RAB30: variants seen among roughly 807,000 people sequenced by gnomAD.
RAB30 encodes ras-related protein Rab-30.
A neutral mutation model predicts 25.1 loss-of-function variants in RAB30; 9 were observed. The ratio of observed to expected loss-of-function variants is 0.36; its 90% CI spans 0.22 to 0.63. RAB30 has a LOEUF of 0.63. RAB30 is among the 20% of genes least tolerant of loss of function. The pLI is 0.69. For missense variants in RAB30, 140 were observed against 243.5 expected, an observed-to-expected ratio of 0.58 and a Z score of 2.83; for synonymous variants, 77 against 86.4, an observed-to-expected ratio of 0.89 and a Z score of 0.60.
At chr11:83,041,178 A>T (rs1200884933) in intron 1 of RAB30, 1 of 150,398 alleles carries the variant, frequency 6.6e-6, no homozygotes, top group Non-Finnish European at 1.5e-5. Flanking sequence ...CCTGGGAGAC[A>T]GAGTGAAACT....
intron 1 of RAB30, among the ~76,000 whole-genome samples, chr11:83,046,167 T>G (rs1858228869): frequency 6.6e-6 from 1 of 152,250 alleles, no homozygotes; most frequent in Non-Finnish European, 1.5e-5. Context: ...GCTAAGGCTT[T>G]GTTGTACCAA....
chr11:82,982,054 C>CA lies in RAB30; in HGVS notation c.*110dup. 6.9e-7 allele frequency: 1 copy of CA among 1,451,060 alleles called. No individual in the cohort carries two copies. The highest frequency in any genetic ancestry group is 9.4e-7 in the Non-Finnish European group (1 of 1,061,282). The allele number at this position is 1,451,060 out of a possible 1,614,324, so 89.9% of individuals were successfully genotyped here. On this transcript the variant is annotated 3_prime_UTR_variant, in exon 5 of 5. Coordinates refer to ENST00000527633, the MANE Select transcript of RAB30 (RefSeq NM_001286060.2). Reference sequence around the variant, plus strand: ...CATGCTTTGTAAGCTCAGGAGCCCACAGGAGTCAGAAGGTCAGAGAGCGGG... The same window carrying CA: ...CATGCTTTGTAAGCTCAGGAGCCCACAAGGAGTCAGAAGGTCAGAGAGCGGG...
Position 82,973,200 on chromosome 11 carries a change from A to T in RAB30, c.*8965T>A, listed in dbSNP as rs1447100524. On this transcript the variant is annotated 3_prime_UTR_variant, in exon 5 of 5. Transcript: ENST00000527633. Reference sequence around the variant, plus strand: ...AAAGCAATTTCCATTTAGTTTTTTTAAAAAATTGTTACAAATAAAAAGTTT... The same window carrying T: ...AAAGCAATTTCCATTTAGTTTTTTTTAAAAATTGTTACAAATAAAAAGTTT... 4 of 152,224 alleles carry T rather than the reference A, an allele frequency of 2.6e-5. No individual in the cohort carries two copies. The highest frequency in any genetic ancestry group is 2.0e-4 in the Admixed American group (3 of 15,280). 9.4% of individuals were successfully genotyped at this position (152,224 alleles called of 1,614,324 possible). A position where few individuals can be genotyped will look rare whatever the true frequency, so the allele number is the denominator to read the frequency against.
chr11:83,069,631 GA>G (rs1156622050), intron 1 of RAB30, among the ~76,000 whole-genome samples: 8 of 148,262 alleles, frequency 5.4e-5, no homozygotes, highest in South Asian at 2.1e-4. Flanking sequence ...CAAGGATAAG[GA>G]AAAAAAAAAT....
At chr11:82,996,440 G>A (rs888007221) in intron 2 of RAB30, among the ~76,000 whole-genome samples, 2 of 152,216 alleles carry the variant, frequency 1.3e-5, no homozygotes, top group South Asian at 2.1e-4. Context: ...AGATAGAGGA[G>A]CAAGTTCCAA....
At chr11:82,987,809 C>A in intron 3 of RAB30, 39 bp from the exon 4 acceptor site, 1 of 1,353,876 alleles carries the variant, frequency 7.4e-7, no homozygotes, top group Non-Finnish European at 9.9e-7. Flanking sequence ...GAAGAAGGAT[C>A]AGGTTGGAGA....
chr11:83,041,692 TA>T (rs34023989), intron 1 of RAB30: 35,315 of 145,894 alleles, frequency 0.24, 4,506 homozygotes, highest in African/African-American at 0.36. Flanking sequence ...TTTATTAAGC[TA>T]AAAAAAAAAA....
Position 83,071,771 on chromosome 11 carries a change from G to A in RAB30, c.-89C>T, listed in dbSNP as rs1325687540. 2 of 287,224 alleles carry A rather than the reference G, an allele frequency of 7.0e-6. No individual in the cohort carries two copies. Among genetic ancestry groups the A allele is most frequent in the African/African-American group, 2.2e-5 (1 of 45,942 alleles). The allele number at this position is 287,224 out of a possible 1,614,324, so 17.8% of individuals were successfully genotyped here. A position where few individuals can be genotyped will look rare whatever the true frequency, so the allele number is the denominator to read the frequency against. On this transcript the variant is annotated 5_prime_UTR_variant, in exon 1 of 5. Transcript: ENST00000527633. Reference sequence around the variant, plus strand: ...GAGTCACGCACGCAAGGGAAGGTCTGCGATGTCCTGAGTCCAAGGGCTGGA... The same window carrying A: ...GAGTCACGCACGCAAGGGAAGGTCTACGATGTCCTGAGTCCAAGGGCTGGA...
At chr11:83,020,828 T>G (rs914208498) in intron 1 of RAB30, among the ~76,000 whole-genome samples, 1 of 151,866 alleles carries the variant, frequency 6.6e-6, no homozygotes, top group African/African-American at 2.4e-5. Context: ...GACAACCTGC[T>G]TGTAGAGTGG....
intron 3 of RAB30, among the ~76,000 whole-genome samples, chr11:82,991,506 C>CAAAAAAAAAA (rs35298951): frequency 1.5e-5 from 1 of 65,872 alleles, no homozygotes; most frequent in South Asian, 7.9e-4. Flanking sequence ...GACCCTTTCT[C>CAAAAAAAAAA]AAAAAAAAAA....
intron 1 of RAB30, among the ~76,000 whole-genome samples, chr11:83,046,876 T>G (rs1858246748): frequency 6.6e-6 from 1 of 152,104 alleles, no homozygotes; most frequent in Non-Finnish European, 1.5e-5. Flanking sequence ...GCCTAATATA[T>G]TTACTTTCTG....
At chr11:83,043,461 T>C (rs1858172984) in intron 1 of RAB30, among the ~76,000 whole-genome samples, 1 of 152,228 alleles carries the variant, frequency 6.6e-6, no homozygotes, top group South Asian at 2.1e-4. Flanking sequence ...TGACATGATT[T>C]GTTTATCAGC....
At chr11:83,068,775 G>A (rs754912574) in intron 1 of RAB30, among the ~76,000 whole-genome samples, 37 of 152,074 alleles carry the variant, frequency 2.4e-4, no homozygotes, top group Non-Finnish European at 3.8e-4. Flanking sequence ...TACTACTTCC[G>A]TTTACCCTCC....
intron 1 of RAB30, among the ~76,000 whole-genome samples, chr11:83,037,495 T>C (rs1198079213): frequency 2.0e-5 from 3 of 152,048 alleles, no homozygotes; most frequent in African/African-American, 7.2e-5. Flanking sequence ...CGTGATCCAC[T>C]CACCTCGGCC....
At chr11:83,009,182 C>T (rs909098179) in intron 1 of RAB30, among the ~76,000 whole-genome samples, 1 of 151,778 alleles carries the variant, frequency 6.6e-6, no homozygotes, top group Admixed American at 6.6e-5. Context: ...AATTCTGTCT[C>T]AGCCTCCCAA....
chr11:82,985,468 AC>A (rs1380650214), intron 4 of RAB30, among the ~76,000 whole-genome samples: 7 of 152,094 alleles, frequency 4.6e-5, no homozygotes, highest in Non-Finnish European at 1.0e-4. Context: ...TAAAAAGAAA[AC>A]CAAAAAAATC....
intron 1 of RAB30, among the ~76,000 whole-genome samples, chr11:83,062,009 C>T (rs1462469052): frequency 6.6e-6 from 1 of 152,076 alleles, no homozygotes; most frequent in African/African-American, 2.4e-5. Context: ...TCCCCCGTGC[C>T]TGAAAATAAC....
intron 1 of RAB30, among the ~76,000 whole-genome samples, chr11:83,031,909 T>C (rs867356069): frequency 2.0e-5 from 3 of 152,226 alleles, no homozygotes; most frequent in Middle Eastern, 3.2e-3. Context: ...GTCTTGACCA[T>C]GTGCTGATGA....
At chr11:83,030,417 G>T (rs907907070) in intron 1 of RAB30, among the ~76,000 whole-genome samples, 2 of 151,932 alleles carry the variant, frequency 1.3e-5, no homozygotes, top group Admixed American at 6.6e-5. Flanking sequence ...AGGACTGCTT[G>T]ATCTCAGGAG....
Sources: allele counts gnomAD v4.1 joint callset (sites outside exome capture counted in the v4.1 genomes callset), GRCh38; gene constraint gnomAD v4.1.1; transcripts MANE v1.5; gene names NCBI Gene and HGNC (gene_info 2026-07-23, HGNC 2026-07-21).